Variants in ST3GAL3 observed in about 807,000 individuals in gnomAD.
ST3GAL3 encodes the protein ST3 beta-galactoside alpha-2,3-sialyltransferase 3, also known as CMP-N-acetylneuraminate-beta-1,4-galactoside alpha-2,3-sialyltransferase.
A neutral mutation model predicts 50.1 loss-of-function variants in ST3GAL3; 21 were observed. The observed-to-expected ratio is 0.42, with a 90% CI of 0.30 to 0.60. The LOEUF is 0.60. ST3GAL3 is among the 20% of genes least tolerant of loss of function. The probability of loss-of-function intolerance (pLI) is 0.19; values close to 1 mark genes in which losing one functional copy is unlikely to be tolerated. For synonymous variants in ST3GAL3, 183 were observed against 190.0 expected (o/e 0.96, Z 0.30); for missense variants, 353 against 489.4 (o/e 0.72, Z 2.63).
intron 5 of ST3GAL3, among the ~76,000 whole-genome samples, chr1:43,849,158 A>G (rs988747447): frequency 6.6e-6 from 1 of 151,302 alleles, no homozygotes; most frequent in Admixed American, 6.6e-5. Context: ...TCTGTTTTAC[A>G]GTTTTGTTAT....
intron 2 of ST3GAL3, among the ~76,000 whole-genome samples, chr1:43,791,631 T>G (rs1386660739): frequency 6.6e-6 from 1 of 152,236 alleles, no homozygotes; most frequent in Non-Finnish European, 1.5e-5. Context: ...TTTAAAATTC[T>G]AGTGTACATT....
chr1:43,875,901 T>C (rs1427204150), intron 5 of ST3GAL3, among the ~76,000 whole-genome samples: 2 of 52,454 alleles, frequency 3.8e-5, no homozygotes, highest in African/African-American at 2.3e-4. Flanking sequence ...GAATTTCTCT[T>C]CTTCTTCTTC....
intron 5 of ST3GAL3, among the ~76,000 whole-genome samples, chr1:43,891,989 GC>G (rs2076745865): frequency 6.6e-6 from 1 of 152,342 alleles, no homozygotes; most frequent in African/African-American, 2.4e-5. Flanking sequence ...TGTCGCCCAG[GC>G]TGTAGTGCAG....
chr1:43,806,308 C>T (rs1282660374), intron 3 of ST3GAL3, among the ~76,000 whole-genome samples: 2 of 152,124 alleles, frequency 1.3e-5, no homozygotes, highest in African/African-American at 4.8e-5. Context: ...GGAGAAATGT[C>T]ACCTGCAGTA....
At chr1:43,781,168 C>T (rs968915697) in intron 2 of ST3GAL3, among the ~76,000 whole-genome samples, 17 of 152,102 alleles carry the variant, frequency 1.1e-4, no homozygotes, top group Admixed American at 1.3e-4. Context: ...GTCCTGGGTG[C>T]TTCTGCTTTA....
intron 4 of ST3GAL3, among the ~76,000 whole-genome samples, chr1:43,836,155 A>C (rs907267799): frequency 6.6e-6 from 1 of 152,226 alleles, no homozygotes; most frequent in African/African-American, 2.4e-5. Context: ...AAACATCTAG[A>C]ACGTTTTTGT....
At chr1:43,811,859 C>T (rs2060600909) in intron 3 of ST3GAL3, among the ~76,000 whole-genome samples, 3 of 151,980 alleles carry the variant, frequency 2.0e-5, no homozygotes, top group Admixed American at 2.0e-4. Context: ...TTTTTGAAAT[C>T]CTCTTTCCCT....
chr1:43,829,437 T>C lies in ST3GAL3; in HGVS notation c.210-8782T>C, dbSNP rs200279378. On this transcript the variant is annotated intron_variant, in intron 4 of 11. Coordinates refer to ENST00000347631, the MANE Select transcript of ST3GAL3 (RefSeq NM_006279.5). Reference sequence around the variant, plus strand: ...ATATTCTTCCTGTCTATATCCACTGTTACCCCTTCAGCCAGGTCTCCTCAT... The same window carrying C: ...ATATTCTTCCTGTCTATATCCACTGCTACCCCTTCAGCCAGGTCTCCTCAT... 6.6e-5 allele frequency among the ~76,000 whole-genome samples: 10 copies of C among 152,346 alleles called. No homozygotes were observed. The East Asian group carries it at 1.3e-3, about 21-fold the overall frequency.
intron 5 of ST3GAL3, among the ~76,000 whole-genome samples, chr1:43,891,939 G>A (rs972566130): frequency 6.6e-6 from 1 of 152,132 alleles, no homozygotes; most frequent in South Asian, 2.1e-4. Flanking sequence ...AAGAACACTT[G>A]AACCTAGTCT....
At chr1:43,927,507 A>T (rs2084212484) in intron 11 of ST3GAL3, among the ~76,000 whole-genome samples, 2 of 152,204 alleles carry the variant, frequency 1.3e-5, no homozygotes, top group Admixed American at 1.3e-4. Context: ...ACCCTGACCC[A>T]TCAAATTCGT....
intron 5 of ST3GAL3, among the ~76,000 whole-genome samples, chr1:43,853,811 C>T (rs762195202): frequency 9.2e-5 from 14 of 152,196 alleles, no homozygotes; most frequent in Non-Finnish European, 1.5e-4. Flanking sequence ...AAAGATGGCC[C>T]TTGAAACTTT....
intron 4 of ST3GAL3, among the ~76,000 whole-genome samples, chr1:43,816,618 G>A (rs1461985257): frequency 6.6e-6 from 1 of 152,182 alleles, no homozygotes; most frequent in Non-Finnish European, 1.5e-5. Context: ...ATGTTCTCTA[G>A]GACATACTAC....
chr1:43,906,650 T>C (rs368950153), intron 9 of ST3GAL3, among the ~76,000 whole-genome samples: 67 of 151,876 alleles, frequency 4.4e-4, no homozygotes, highest in African/African-American at 1.6e-3. Context: ...CTCCTCCTCC[T>C]GCTCCTCTTC....
At chr1:43,766,512 G>C (rs1029740886) in intron 2 of ST3GAL3, among the ~76,000 whole-genome samples, 1 of 152,192 alleles carries the variant, frequency 6.6e-6, no homozygotes, top group Non-Finnish European at 1.5e-5. Flanking sequence ...GACATGTGGG[G>C]ACCTGGGAAA....
intron 2 of ST3GAL3, among the ~76,000 whole-genome samples, chr1:43,771,731 TGTGTGTG>T (rs1354270028): frequency 9.4e-5 from 1 of 10,586 alleles, no homozygotes; most frequent in Non-Finnish European, 4.2e-4. Flanking sequence ...TTAATAAAGT[TGTGTGTG>T]TGTGTGTGTG....
rs60386464 is a variant in ST3GAL3 at position 43,759,065 on chromosome 1, G to GCGCGCACACACA, written c.118+22686_118+22687insGCGCACACACAC. Among the ~76,000 whole-genome samples the GCGCGCACACACA allele has an allele frequency of 1.6e-3, 119 of 75,442 alleles. 1 individual carries two copies. Among genetic ancestry groups the GCGCGCACACACA allele is most frequent in the East Asian group, 0.015 (44 of 3,032 alleles). The allele number at this position is 75,442 out of a possible 152,430, so 49.5% of individuals were successfully genotyped here. On this transcript the variant is annotated intron_variant, in intron 2 of 11. Transcript: ENST00000347631. Reference sequence around the variant, plus strand: ...TCCTAAAAAACAAACAAAAGCGCGCGCACACACACACACACACACACACAC... The same window carrying GCGCGCACACACA: ...TCCTAAAAAACAAACAAAAGCGCGCGCGCGCACACACACACACACACACACACACACACACAC...
intron 1 of ST3GAL3, among the ~76,000 whole-genome samples, chr1:43,713,329 T>TTGCCAGG (rs1366946298): frequency 2.0e-5 from 3 of 152,172 alleles, no homozygotes; most frequent in African/African-American, 7.2e-5. Context: ...AATTCCTACC[T>TTGCCAGG]TGCCAGGTTG....
At chr1:43,842,986 T>G (rs1364373942) in intron 5 of ST3GAL3, among the ~76,000 whole-genome samples, 1 of 152,216 alleles carries the variant, frequency 6.6e-6, no homozygotes, top group Non-Finnish European at 1.5e-5. Flanking sequence ...TTTATGACTT[T>G]GTGCCAGTAC....
chr1:43,883,166 A>G (rs1346155231), intron 5 of ST3GAL3, among the ~76,000 whole-genome samples: 1 of 151,968 alleles, frequency 6.6e-6, no homozygotes. Context: ...ACAGGGTCTC[A>G]GTGTGTTGCC....
Sources: gnomAD v4.1 joint callset for allele counts (sites outside exome capture counted in the v4.1 genomes callset) on GRCh38, gnomAD v4.1.1 for gene constraint, MANE v1.5 for transcripts, NCBI Gene and HGNC (gene_info 2026-07-23, HGNC 2026-07-21) for gene names.